The following SND1 variants were observed in gnomAD, a reference collection of about 807,000 sequenced individuals.
SND1 encodes the protein staphylococcal nuclease domain-containing protein 1.
In SND1, 38 loss-of-function variants were observed where a neutral mutation model predicts 121.7. The ratio of observed to expected loss-of-function variants is 0.31; its 90% CI spans 0.24 to 0.41. The LOEUF (loss-of-function observed/expected upper bound fraction) is 0.41. Ranked by LOEUF, SND1 falls within the 10% of genes least tolerant of loss-of-function variation. The pLI, the probability that SND1 is intolerant of heterozygous loss-of-function variation, is 1.00. For synonymous variants in SND1, 401 were observed against 447.4 expected, an observed-to-expected ratio of 0.90 and a Z score of 1.31; for missense variants, 868 against 1,184.6, an observed-to-expected ratio of 0.73 and a Z score of 3.92.
chr7:128,049,361 C>G (rs1276394156), intron 16 of SND1, among the ~76,000 whole-genome samples: 4 of 152,144 alleles, frequency 2.6e-5, no homozygotes, highest in Non-Finnish European at 5.9e-5. Context: ...TCCTTCCTGT[C>G]CTCTCCTCTC....
chr7:127,997,663 T>C, intron 16 of SND1: 1 of 513,828 alleles, frequency 1.9e-6, no homozygotes, highest in South Asian at 1.4e-5. Flanking sequence ...TATCTCAGTT[T>C]ACATATATTC....
chr7:127,694,390 TC>T (rs1470462298), intron 2 of SND1, among the ~76,000 whole-genome samples: 1 of 152,206 alleles, frequency 6.6e-6, no homozygotes, highest in Non-Finnish European at 1.5e-5. Flanking sequence ...ATTTATGACT[TC>T]CCTCTGCCTA....
chr7:127,909,126 A>G (rs1370135092), intron 14 of SND1, among the ~76,000 whole-genome samples: 1 of 152,146 alleles, frequency 6.6e-6, no homozygotes, highest in Non-Finnish European at 1.5e-5. Context: ...TCCTCTGTGC[A>G]TGAGGAGTTA....
At chr7:127,941,766 T>A (rs189791457) in intron 15 of SND1, among the ~76,000 whole-genome samples, 4 of 152,138 alleles carry the variant, frequency 2.6e-5, no homozygotes, top group African/African-American at 9.6e-5. Flanking sequence ...GCCTTCTTCA[T>A]GAATGATGTC....
chr7:127,783,681 T>A (rs1030033551), intron 10 of SND1, among the ~76,000 whole-genome samples: 4 of 152,198 alleles, frequency 2.6e-5, no homozygotes, highest in African/African-American at 9.7e-5. Flanking sequence ...TTGTCTTAGC[T>A]CTTTTGCTTC....
At chr7:127,834,924 G>C (rs1016879769) in intron 11 of SND1, among the ~76,000 whole-genome samples, 3 of 152,168 alleles carry the variant, frequency 2.0e-5, no homozygotes, top group African/African-American at 7.2e-5. Flanking sequence ...GGAGTGCTCT[G>C]AATTGTAGTC....
At position 127,694,850 on chromosome 7, in the gene SND1, A is replaced by C; in HGVS notation, c.251A>C (p.Glu84Ala). Residue 84 changes from glutamate to alanine, a missense_variant, in exon 3 of 24, where the codon GAG (glutamate) becomes GCG (alanine). Coordinates refer to ENST00000354725, the MANE Select transcript of SND1 (RefSeq NM_014390.4). ...PDEPWAFPAREFLRKKLIGKE... is the reference protein window; with the variant it reads ...PDEPWAFPARAFLRKKLIGKE... ...CAGCCCTGGGCATTTCCAGCTCGAG[A>C]GTTCCTTCGAAAGAAGCTGATTGGG... is the stretch of plus-strand genomic sequence containing the variant. 1 of 1,614,026 alleles carries C rather than the reference A, an allele frequency of 6.2e-7. No individual in the cohort carries two copies. Among genetic ancestry groups the C allele is most frequent in the Non-Finnish European group, 8.5e-7 (1 of 1,179,932 alleles).
chr7:127,913,180 T>A (rs1222462832), intron 14 of SND1, among the ~76,000 whole-genome samples: 1 of 152,212 alleles, frequency 6.6e-6, no homozygotes, highest in Non-Finnish European at 1.5e-5. Context: ...TCTTTATTTG[T>A]TCGTTCTTAT....
At chr7:128,014,419 A>T (rs549092310) in intron 16 of SND1, among the ~76,000 whole-genome samples, 10 of 152,312 alleles carry the variant, frequency 6.6e-5, no homozygotes, top group Admixed American at 3.3e-4. Context: ...TTTAACAGCA[A>T]CAGTGCTGAT....
At chr7:128,066,742 G>A (rs2117041007) in intron 16 of SND1, among the ~76,000 whole-genome samples, 1 of 152,296 alleles carries the variant, frequency 6.6e-6, no homozygotes, top group East Asian at 1.9e-4. Context: ...ATCTCTTCAA[G>A]TTCACAGTTC....
Position 127,791,141 on chromosome 7 carries a change from C to CTT in SND1, c.1153-16322_1153-16321dup, listed in dbSNP as rs66878881. ...TTGAATGAAATGAGCTTTACCTCTCCTTTTTTTTTTTTTTTTTTTTTTGAG... is the reference window on the plus strand; with the variant it reads ...TTGAATGAAATGAGCTTTACCTCTCCTTTTTTTTTTTTTTTTTTTTTTTTGAG... On this transcript the variant is annotated intron_variant, in intron 10 of 23. Coordinates refer to ENST00000354725, the MANE Select transcript of SND1 (RefSeq NM_014390.4). Among the ~76,000 whole-genome samples the CTT allele has an allele frequency of 1.4e-3, 150 of 110,840 alleles. 1 individual carries two copies. Among genetic ancestry groups the CTT allele is most frequent in the African/African-American group, 2.9e-3 (85 of 29,282 alleles). 72.7% of individuals were successfully genotyped at this position (110,840 alleles called of 152,430 possible).
chr7:128,056,564 G>A (rs760749350), intron 16 of SND1, among the ~76,000 whole-genome samples: 49 of 152,188 alleles, frequency 3.2e-4, no homozygotes, highest in Non-Finnish European at 5.3e-4. Context: ...TGTGTCAGGC[G>A]CCATGCTAGG....
intron 16 of SND1, among the ~76,000 whole-genome samples, chr7:127,994,878 A>C (rs1037234236): frequency 6.8e-6 from 1 of 147,102 alleles, no homozygotes; most frequent in Non-Finnish European, 1.5e-5. Flanking sequence ...TGCTCGGCTA[A>C]TTTTTTTTTT....
At chr7:128,056,040 A>G (rs1305479981) in intron 16 of SND1, among the ~76,000 whole-genome samples, 3 of 152,194 alleles carry the variant, frequency 2.0e-5, no homozygotes, top group Non-Finnish European at 1.5e-5. Context: ...CCATTTTTTT[A>G]TTAGTAAAAT....
intron 16 of SND1, among the ~76,000 whole-genome samples, chr7:128,000,752 C>G (rs1317659813): frequency 6.6e-6 from 1 of 152,200 alleles, no homozygotes; most frequent in Non-Finnish European, 1.5e-5. Context: ...GCAAGCCATG[C>G]CCATTGTCTG....
At chr7:128,056,605 G>A (rs989655540) in intron 16 of SND1, among the ~76,000 whole-genome samples, 3 of 152,166 alleles carry the variant, frequency 2.0e-5, no homozygotes, top group African/African-American at 7.2e-5. Context: ...ATAGTTTTCT[G>A]CCACAAAATC....
intron 12 of SND1, among the ~76,000 whole-genome samples, chr7:127,874,755 A>G (rs913749314): frequency 6.6e-6 from 1 of 152,172 alleles, no homozygotes; most frequent in African/African-American, 2.4e-5. Flanking sequence ...CCCCTCAAAA[A>G]AATCCTCTGA....
intron 16 of SND1, among the ~76,000 whole-genome samples, chr7:128,035,545 G>A (rs944459327): frequency 6.6e-6 from 1 of 152,214 alleles, no homozygotes; most frequent in African/African-American, 2.4e-5. Flanking sequence ...GAGGCACAGT[G>A]ACTTACCTAA....
chr7:127,866,858 A>G (rs551969136), intron 12 of SND1, among the ~76,000 whole-genome samples: 1 of 152,246 alleles, frequency 6.6e-6, no homozygotes, highest in East Asian at 1.9e-4. Context: ...CTCAGCTTCC[A>G]GTTTGCCTTC....
Sources: gnomAD v4.1 joint callset for allele counts (sites outside exome capture counted in the v4.1 genomes callset) on GRCh38, gnomAD v4.1.1 for gene constraint, MANE v1.5 for transcripts, NCBI Gene and HGNC (gene_info 2026-07-23, HGNC 2026-07-21) for gene names.